The following LRRC10B variants were observed in gnomAD, a reference collection of about 807,000 sequenced individuals.
The protein encoded by LRRC10B is leucine rich repeat containing 10B, also known as leucine-rich repeat-containing protein 10B.
For missense variants in LRRC10B, 389 were observed against 436.5 expected (o/e 0.89, Z 0.97); for synonymous variants, 204 against 221.5 (o/e 0.92, Z 0.70).
Position 61,509,041 on chromosome 11 carries a change from G to T in LRRC10B, c.43G>T (p.Ala15Ser). The T allele has an allele frequency of 6.7e-7, 1 of 1,482,912 alleles. No individual in the cohort carries two copies. The highest frequency in any genetic ancestry group is 8.9e-7 in the Non-Finnish European group (1 of 1,126,136). The allele number at this position is 1,482,912 out of a possible 1,614,324, so 91.9% of individuals were successfully genotyped here. The change falls in exon 1 of 1, where the codon GCA (alanine) becomes TCA (serine). Residue 15 changes from alanine (A) to serine (S), a missense_variant. Physicochemically the swap from Ala to Ser is moderately conservative, Grantham distance 99 (BLOSUM62 1). Transcript: ENST00000378075. ...CACGCCGGATGAGCTGCCGTCGGAC[G>T]CAGAGGAGCAGCTGCGCAGCGGCGA... ...ESTPDELPSDAEEQLRSGDQQ... is the reference protein window; with the variant it reads ...ESTPDELPSDSEEQLRSGDQQ...
In LRRC10B at chr11:61,509,151, G is replaced by C. The variant is rs1442671957; in HGVS notation, c.153G>C (p.Val51=). The change falls in exon 1 of 1, where the codon GTG becomes GTC. Residue 51 remains valine, a synonymous_variant. Coordinates refer to ENST00000378075, the MANE Select transcript of LRRC10B (RefSeq NM_001145077.2). ...CALSRLQKLY[V]SGTGLRELPE... ...TGAGCCGCCTGCAGAAGCTGTATGT[G>C]AGCGGCACGGGGCTGCGCGAGCTGC... The C allele has an allele frequency of 6.5e-7, 1 of 1,528,842 alleles. No homozygotes were observed. The highest frequency in any genetic ancestry group is 2.5e-5 in the East Asian group (1 of 39,786). 94.7% of individuals were successfully genotyped at this position (1,528,842 alleles called of 1,614,324 possible).
At position 61,509,207 on chromosome 11, in the gene LRRC10B, G is replaced by A; in HGVS notation, c.209G>A (p.Arg70His). The change falls in exon 1 of 1, where the codon CGC (arginine) becomes CAC (histidine). Residue 70 changes from arginine to histidine, a missense_variant. By Grantham distance (29) the Arg-to-His change is conservative. Coordinates refer to ENST00000378075, the MANE Select transcript of LRRC10B (RefSeq NM_001145077.2). ...GAGATCGAGGAGCTGCGCGAGCTGCGCATCCTGGCGCTGGACTTCAACAAG... is the reference window on the plus strand; with the variant it reads ...GAGATCGAGGAGCTGCGCGAGCTGCACATCCTGGCGCTGGACTTCAACAAG... Reference protein sequence around the residue: ...PEEIEELRELRILALDFNKLE... With the variant: ...PEEIEELRELHILALDFNKLE... The A allele has an allele frequency of 6.5e-7, 1 of 1,531,982 alleles. No homozygotes were observed. The highest frequency in any genetic ancestry group is 2.0e-5 in the Admixed American group (1 of 50,644). 94.9% of individuals were successfully genotyped at this position (1,531,982 alleles called of 1,614,324 possible).
Position 61,510,064 on chromosome 11 carries a change from A to T in LRRC10B, c.*187A>T. On this transcript the variant is annotated 3_prime_UTR_variant, in exon 1 of 1. Transcript: ENST00000378075. ...ACACTCCTAGGTAGTAAGAGGACTGACTATACCCTGGCTGATCTGTGGGCA... is the reference window on the plus strand; with the variant it reads ...ACACTCCTAGGTAGTAAGAGGACTGTCTATACCCTGGCTGATCTGTGGGCA... The T allele has an allele frequency of 1.8e-6, 1 of 557,388 alleles. No individual in the cohort carries two copies. Among genetic ancestry groups the T allele is most frequent in the Non-Finnish European group, 3.0e-6 (1 of 328,772 alleles). The allele number at this position is 557,388 out of a possible 1,614,324, so 34.5% of individuals were successfully genotyped here. A position where few individuals can be genotyped will look rare whatever the true frequency, so the allele number is the denominator to read the frequency against.
chr11:61,509,505 C>T lies in LRRC10B; in HGVS notation c.507C>T (p.Asn169=). The change falls in exon 1 of 1, where the codon AAC becomes AAT. Residue 169 remains asparagine (N), a synonymous_variant. Transcript: ENST00000378075. ...TGCGCGGCCTCTGGCTCTACGGCAACCGCTTCGAGGAGTTCCCGCCCGCGC... is the reference window on the plus strand; with the variant it reads ...TGCGCGGCCTCTGGCTCTACGGCAATCGCTTCGAGGAGTTCCCGCCCGCGC... ...TGLRGLWLYG[N]RFEEFPPALL... The T allele has an allele frequency of 1.3e-6, 2 of 1,509,950 alleles. No individual in the cohort carries two copies. The highest frequency in any genetic ancestry group is 2.1e-5 in the Admixed American group (1 of 46,862). The allele number at this position is 1,509,950 out of a possible 1,614,324, so 93.5% of individuals were successfully genotyped here. A position where few individuals can be genotyped will look rare whatever the true frequency, so the allele number is the denominator to read the frequency against.
At position 61,510,325 on chromosome 11, in the gene LRRC10B, G is replaced by T; in HGVS notation, c.*448G>T. ...GGGATGGACTGCGTGCCTGTGTGGG[G>T]CAGGACTGCCCTTGCGAGGAGGGCC... On this transcript the variant is annotated 3_prime_UTR_variant, in exon 1 of 1. Transcript: ENST00000378075. The T allele has an allele frequency of 5.7e-6, 1 of 174,894 alleles. No individual in the cohort carries two copies. The allele number at this position is 174,894 out of a possible 1,614,324, so 10.8% of individuals were successfully genotyped here.
At position 61,508,920 on chromosome 11, in the gene LRRC10B, C is replaced by T; in HGVS notation, c.-79C>T. On this transcript the variant is annotated 5_prime_UTR_variant, in exon 1 of 1. Transcript: ENST00000378075. ...GGGGCCGGCGCGGCTCCGGCACCGTCGGGGCGGCTGGGGGGCGGCCGGGGC... is the reference window on the plus strand; with the variant it reads ...GGGGCCGGCGCGGCTCCGGCACCGTTGGGGCGGCTGGGGGGCGGCCGGGGC... The T allele has an allele frequency of 1.8e-6, 2 of 1,098,804 alleles. No individual in the cohort carries two copies. The highest frequency in any genetic ancestry group is 2.2e-6 in the Non-Finnish European group (2 of 898,488). The allele number at this position is 1,098,804 out of a possible 1,614,324, so 68.1% of individuals were successfully genotyped here.
At position 61,509,525 on chromosome 11, in the gene LRRC10B, C is replaced by T. The variant is rs984857834; in HGVS notation, c.527C>T (p.Pro176Leu). The change falls in exon 1 of 1, where the codon CCC (proline) becomes CTC (leucine). Residue 176 changes from proline (P) to leucine (L), a missense_variant. Physicochemically the swap from Pro to Leu is moderately conservative, Grantham distance 98 (BLOSUM62 -3). Transcript: ENST00000378075. Reference sequence around the variant, plus strand: ...GGCAACCGCTTCGAGGAGTTCCCGCCCGCGCTGCTGCGCATGGGCCGCCTG... The same window carrying T: ...GGCAACCGCTTCGAGGAGTTCCCGCTCGCGCTGCTGCGCATGGGCCGCCTG... ...LYGNRFEEFP[P>L]ALLRMGRLHI... 5 of 1,511,956 alleles carry T rather than the reference C, an allele frequency of 3.3e-6. No homozygotes were observed. The highest frequency in any genetic ancestry group is 1.4e-5 in the African/African-American group (1 of 69,332). 93.7% of individuals were successfully genotyped at this position (1,511,956 alleles called of 1,614,324 possible).
Position 61,509,812 on chromosome 11 carries a change from C to A in LRRC10B, c.814C>A (p.Arg272=), listed in dbSNP as rs901737937. The A allele has an allele frequency of 1.5e-5, 23 of 1,532,314 alleles. No individual in the cohort carries two copies. The highest frequency in any genetic ancestry group is 2.8e-5 in the African/African-American group (2 of 71,324). 94.9% of individuals were successfully genotyped at this position (1,532,314 alleles called of 1,614,324 possible). A position where few individuals can be genotyped will look rare whatever the true frequency, so the allele number is the denominator to read the frequency against. Residue 272 remains arginine, a synonymous_variant, in exon 1 of 1, where the codon CGG becomes AGG. Coordinates refer to ENST00000378075, the MANE Select transcript of LRRC10B (RefSeq NM_001145077.2). ...EDLLIGGAGS[R]ALGAPGGSFR... ...CCTGCTCATAGGCGGCGCTGGTTCC[C>A]GGGCTCTGGGCGCCCCCGGGGGCAG...
At position 61,509,756 on chromosome 11, in the gene LRRC10B, C is replaced by T. The variant is rs943005973; in HGVS notation, c.758C>T (p.Ala253Val). 1.3e-6 allele frequency: 2 copies of T among 1,525,060 alleles called. No homozygotes were observed. Among genetic ancestry groups the T allele is most frequent in the Non-Finnish European group, 1.8e-6 (2 of 1,142,346 alleles). The allele number at this position is 1,525,060 out of a possible 1,614,324, so 94.5% of individuals were successfully genotyped here. A position where few individuals can be genotyped will look rare whatever the true frequency, so the allele number is the denominator to read the frequency against. ...PTPRPPPRRP[A>V]RAFEDEEEED... ...CCCCGGCCTCCGCCCCGGCGCCCAG[C>T]GCGGGCCTTTGAGGATGAGGAGGAG... Residue 253 changes from alanine to valine, a missense_variant, in exon 1 of 1, where the codon GCG becomes GTG. Transcript: ENST00000378075.
At position 61,508,881 on chromosome 11, in the gene LRRC10B, G is replaced by A; in HGVS notation, c.-118G>A. On this transcript the variant is annotated 5_prime_UTR_variant, in exon 1 of 1. Transcript: ENST00000378075. ...CCCCTCCCGGCGCGGGGGAAGGCCGGGGCGGGGGGCCCGGGGGCCGGCGCG... is the reference window on the plus strand; with the variant it reads ...CCCCTCCCGGCGCGGGGGAAGGCCGAGGCGGGGGGCCCGGGGGCCGGCGCG... 1 of 788,404 alleles carries A rather than the reference G, an allele frequency of 1.3e-6. No homozygotes were observed. Among genetic ancestry groups the A allele is most frequent in the Middle Eastern group, 6.3e-4 (1 of 1,596 alleles). The allele number at this position is 788,404 out of a possible 1,614,324, so 48.8% of individuals were successfully genotyped here.
Position 61,509,818 on chromosome 11 carries a change from CTGGGCGCCCCCGG to C in LRRC10B, c.821_833del (p.Leu274ArgfsTer74). The C allele has an allele frequency of 1.3e-6, 2 of 1,532,352 alleles. No individual in the cohort carries two copies. Among genetic ancestry groups the C allele is most frequent in the Non-Finnish European group, 1.7e-6 (2 of 1,143,006 alleles). 94.9% of individuals were successfully genotyped at this position (1,532,352 alleles called of 1,614,324 possible). A position where few individuals can be genotyped will look rare whatever the true frequency, so the allele number is the denominator to read the frequency against. On this transcript the variant is annotated frameshift_variant, in exon 1 of 1. Coordinates refer to ENST00000378075, the MANE Select transcript of LRRC10B (RefSeq NM_001145077.2). LOFTEE classifies it high-confidence loss of function. ...CATAGGCGGCGCTGGTTCCCGGGCT[CTGGGCGCCCCCGG>C]GGGCAGCTTCCGCGCCCTGGAAGCC...
chr11:61,509,820 G>A lies in LRRC10B; in HGVS notation c.822G>A (p.Leu274=). The A allele has an allele frequency of 1.3e-6, 2 of 1,531,830 alleles. No homozygotes were observed. Among genetic ancestry groups the A allele is most frequent in the Non-Finnish European group, 1.8e-6 (2 of 1,142,826 alleles). The allele number at this position is 1,531,830 out of a possible 1,614,324, so 94.9% of individuals were successfully genotyped here. Residue 274 remains leucine (L), a synonymous_variant, in exon 1 of 1, where the codon CTG becomes CTA. Coordinates refer to ENST00000378075, the MANE Select transcript of LRRC10B (RefSeq NM_001145077.2). ...LLIGGAGSRA[L]GAPGGSFRAL... ...TAGGCGGCGCTGGTTCCCGGGCTCTGGGCGCCCCCGGGGGCAGCTTCCGCG... is the reference window on the plus strand; with the variant it reads ...TAGGCGGCGCTGGTTCCCGGGCTCTAGGCGCCCCCGGGGGCAGCTTCCGCG...
chr11:61,509,737 C>A lies in LRRC10B; in HGVS notation c.739C>A (p.Pro247Thr). The stretch of plus-strand genomic sequence containing the variant: ...GGAGCGCGACGAGCCCACGCCCCGG[C>A]CTCCGCCCCGGCGCCCAGCGCGGGC... Reference protein sequence around the residue: ...MAERDEPTPRPPPRRPARAFE... With the variant: ...MAERDEPTPRTPPRRPARAFE... Residue 247 changes from proline to threonine, a missense_variant, in exon 1 of 1, where the codon CCT becomes ACT. Physicochemically the swap from Pro to Thr is conservative, Grantham distance 38. Transcript: ENST00000378075. The A allele has an allele frequency of 6.6e-7, 1 of 1,520,926 alleles. No homozygotes were observed. Among genetic ancestry groups the A allele is most frequent in the Non-Finnish European group, 8.8e-7 (1 of 1,141,038 alleles). The allele number at this position is 1,520,926 out of a possible 1,614,324, so 94.2% of individuals were successfully genotyped here. A position where few individuals can be genotyped will look rare whatever the true frequency, so the allele number is the denominator to read the frequency against.
Position 61,509,398 on chromosome 11 carries a change from C to A in LRRC10B, c.400C>A (p.Arg134Ser), listed in dbSNP as rs529149123. 7.4e-6 allele frequency: 11 copies of A among 1,491,134 alleles called. No individual in the cohort carries two copies. Among genetic ancestry groups the A allele is most frequent in the Middle Eastern group, 2.0e-4 (1 of 4,914 alleles). 92.4% of individuals were successfully genotyped at this position (1,491,134 alleles called of 1,614,324 possible). A position where few individuals can be genotyped will look rare whatever the true frequency, so the allele number is the denominator to read the frequency against. ...GCGGCGCTTCCCGCGGCCGCTGCTG[C>A]GCCTGGTGGCGCTGCAGTCGCTCCA... ...FLRRFPRPLL[R>S]LVALQSLQMG... The change falls in exon 1 of 1, where the codon CGC becomes AGC. Residue 134 changes from arginine (R) to serine (S), a missense_variant. Transcript: ENST00000378075.
rs1330900737 is a variant in LRRC10B, at chr11:61,508,873, G to T, written c.-126G>T. 1 of 717,100 alleles carries T rather than the reference G, an allele frequency of 1.4e-6. No homozygotes were observed. The highest frequency in any genetic ancestry group is 1.7e-6 in the Non-Finnish European group (1 of 586,994). The allele number at this position is 717,100 out of a possible 1,614,324, so 44.4% of individuals were successfully genotyped here. On this transcript the variant is annotated 5_prime_UTR_variant, in exon 1 of 1. Coordinates refer to ENST00000378075, the MANE Select transcript of LRRC10B (RefSeq NM_001145077.2). ...GCACGGCCCCCCTCCCGGCGCGGGGGAAGGCCGGGGCGGGGGGCCCGGGGG... is the reference window on the plus strand; with the variant it reads ...GCACGGCCCCCCTCCCGGCGCGGGGTAAGGCCGGGGCGGGGGGCCCGGGGG...
chr11:61,509,290 G>C lies in LRRC10B; in HGVS notation c.292G>C (p.Gly98Arg). Residue 98 changes from glycine (G) to arginine (R), a missense_variant, in exon 1 of 1, where the codon GGC (glycine) becomes CGC (arginine). Physicochemically the swap from Gly to Arg is moderately radical, Grantham distance 125. Transcript: ENST00000378075. ...RLPRLTRLYL[G>R]GNRLLALPAD... ...GCCGCGCCTCACGCGCCTCTATCTG[G>C]GCGGCAACCGGCTGCTGGCGCTGCC... 1 of 1,505,980 alleles carries C rather than the reference G, an allele frequency of 6.6e-7. No individual in the cohort carries two copies. Among genetic ancestry groups the C allele is most frequent in the Middle Eastern group, 1.8e-4 (1 of 5,452 alleles). The allele number at this position is 1,505,980 out of a possible 1,614,324, so 93.3% of individuals were successfully genotyped here.
Position 61,509,524 on chromosome 11 carries a change from C to G in LRRC10B, c.526C>G (p.Pro176Ala). ...LYGNRFEEFP[P>A]ALLRMGRLHI... ...CGGCAACCGCTTCGAGGAGTTCCCG[C>G]CCGCGCTGCTGCGCATGGGCCGCCT... Residue 176 changes from proline (P) to alanine (A), a missense_variant, in exon 1 of 1, where the codon CCC becomes GCC. Physicochemically the swap from Pro to Ala is conservative, Grantham distance 27. Transcript: ENST00000378075. 2 of 1,512,238 alleles carry G rather than the reference C, an allele frequency of 1.3e-6. No homozygotes were observed. Among genetic ancestry groups the G allele is most frequent in the Non-Finnish European group, 1.8e-6 (2 of 1,138,144 alleles). The allele number at this position is 1,512,238 out of a possible 1,614,324, so 93.7% of individuals were successfully genotyped here.
In LRRC10B at chr11:61,509,591, C is replaced by T. The variant is rs1482391066; in HGVS notation, c.593C>T (p.Pro198Leu). Residue 198 changes from proline to leucine, a missense_variant, in exon 1 of 1, where the codon CCC (proline) becomes CTC (leucine). Pro to Leu is a moderately conservative substitution (Grantham distance 98). Transcript: ENST00000378075. ...GACCGCAACCGCCTGGGCGGCTTCC[C>T]CGACCTGCACCCGCTGCGCGCGCTG... ...DLDRNRLGGF[P>L]DLHPLRALRV... 6.6e-7 allele frequency: 1 copy of T among 1,520,998 alleles called. No homozygotes were observed. Among genetic ancestry groups the T allele is most frequent in the South Asian group, 1.2e-5 (1 of 82,364 alleles). 94.2% of individuals were successfully genotyped at this position (1,520,998 alleles called of 1,614,324 possible). A position where few individuals can be genotyped will look rare whatever the true frequency, so the allele number is the denominator to read the frequency against.
chr11:61,509,190 G>T lies in LRRC10B; in HGVS notation c.192G>T (p.Glu64Asp). 6.5e-7 allele frequency: 1 copy of T among 1,531,802 alleles called. No individual in the cohort carries two copies. 94.9% of individuals were successfully genotyped at this position (1,531,802 alleles called of 1,614,324 possible). ...TGLRELPEEIEELRELRILAL... is the reference protein window; with the variant it reads ...TGLRELPEEIDELRELRILAL... ...TGCGCGAGCTGCCGGAGGAGATCGA[G>T]GAGCTGCGCGAGCTGCGCATCCTGG... Residue 64 changes from glutamate to aspartate, a missense_variant, in exon 1 of 1, where the codon GAG (glutamate) becomes GAT (aspartate). Coordinates refer to ENST00000378075, the MANE Select transcript of LRRC10B (RefSeq NM_001145077.2).
Sources: allele counts gnomAD v4.1 joint callset, GRCh38; gene constraint gnomAD v4.1.1; transcripts MANE v1.5; gene names NCBI Gene and HGNC (gene_info 2026-07-23, HGNC 2026-07-21).